NAV3: variants seen among roughly 807,000 people sequenced by gnomAD.
NAV3 encodes neuron navigator 3.
Under a neutral mutation model 244.7 loss-of-function variants are expected in NAV3, and 87 were observed. The ratio of observed to expected loss-of-function variants is 0.36; its 90% CI spans 0.30 to 0.42. NAV3 has a LOEUF of 0.42. Among genes scored for constraint, NAV3 ranks in the 20% least tolerant of loss-of-function variants. The probability of loss-of-function intolerance (pLI) is 1.00; values close to 1 mark genes in which losing one functional copy is unlikely to be tolerated. For synonymous variants in NAV3, 1,126 were observed against 1,042.2 expected, an observed-to-expected ratio of 1.08 and a Z score of -1.55; for missense variants, 2,663 against 2,893.3, an observed-to-expected ratio of 0.92 and a Z score of 1.83.
intron 2 of NAV3, among the ~76,000 whole-genome samples, chr12:77,739,477 TTAATC>T (rs1463241905): frequency 6.6e-6 from 1 of 152,170 alleles, no homozygotes; most frequent in Non-Finnish European, 1.5e-5. Flanking sequence ...TCTCTAGCAT[TTAATC>T]TGATGCCACA....
chr12:77,991,025 A>T (rs778082453), intron 5 of NAV3, among the ~76,000 whole-genome samples: 1 of 152,004 alleles, frequency 6.6e-6, no homozygotes, highest in African/African-American at 2.4e-5. Context: ...TTTATTGTTT[A>T]TTTATTTTTT....
chr12:77,669,097 A>T (rs968092623), intron 2 of NAV3, among the ~76,000 whole-genome samples: 2 of 152,314 alleles, frequency 1.3e-5, no homozygotes, highest in East Asian at 3.9e-4. Context: ...ATGAAGGAAA[A>T]TTACAGTCTT....
intron 22 of NAV3, among the ~76,000 whole-genome samples, chr12:78,153,438 C>T (rs145164879): frequency 3.3e-4 from 50 of 152,146 alleles, no homozygotes; most frequent in African/African-American, 1.1e-3. Flanking sequence ...TATTGCCTGG[C>T]GTTTCTGATC....
intron 2 of NAV3, among the ~76,000 whole-genome samples, chr12:77,786,122 G>A (rs774944879): frequency 6.6e-5 from 10 of 151,918 alleles, no homozygotes; most frequent in Non-Finnish European, 1.2e-4. Flanking sequence ...GCCAAATAGC[G>A]CCTCTTAAAA....
intron 2 of NAV3, among the ~76,000 whole-genome samples, chr12:77,680,729 A>C (rs1300575724): frequency 7.1e-6 from 1 of 141,208 alleles, no homozygotes; most frequent in Non-Finnish European, 1.6e-5. Flanking sequence ...AAGTAGGTGC[A>C]CAATATAAGA....
chr12:78,139,034 C>T (rs1956493620), intron 19 of NAV3, among the ~76,000 whole-genome samples: 1 of 152,082 alleles, frequency 6.6e-6, no homozygotes, highest in South Asian at 2.1e-4. Context: ...AATTGTCCAC[C>T]TTTCCTATGG....
intron 2 of NAV3, among the ~76,000 whole-genome samples, chr12:77,729,656 A>C (rs74593898): frequency 0.018 from 2,716 of 152,062 alleles, 94 homozygotes; most frequent in African/African-American, 0.062. Flanking sequence ...AACAAAAATC[A>C]CTGAAACAAG....
chr12:78,110,888 T>C (rs1230744889), intron 12 of NAV3, among the ~76,000 whole-genome samples: 1 of 151,946 alleles, frequency 6.6e-6, no homozygotes, highest in Non-Finnish European at 1.5e-5. Context: ...GAAACTGGAG[T>C]TCATTATCTT....
chr12:78,148,478 G>A (rs1194288946), intron 21 of NAV3, among the ~76,000 whole-genome samples: 7 of 152,042 alleles, frequency 4.6e-5, no homozygotes, highest in Non-Finnish European at 1.0e-4. Flanking sequence ...AAATATGTGT[G>A]TATATACAGT....
chr12:78,095,160 A>G (rs1221376305), intron 12 of NAV3, among the ~76,000 whole-genome samples: 5 of 151,552 alleles, frequency 3.3e-5, no homozygotes, highest in African/African-American at 1.2e-4. Context: ...ACTTGATAGC[A>G]TATTTGTTAT....
chr12:77,627,494 A>G (rs1439250332), intron 2 of NAV3, among the ~76,000 whole-genome samples: 1 of 152,152 alleles, frequency 6.6e-6, no homozygotes, highest in East Asian at 1.9e-4. Flanking sequence ...TACCCTAACA[A>G]GTTGGAAAAA....
chr12:78,168,987 T>C, intron 24 of NAV3, 121 bp downstream of exon 24: 1 of 588,444 alleles, frequency 1.7e-6, no homozygotes, highest in Non-Finnish European at 2.9e-6. Context: ...CTAGTTGTAT[T>C]AATAGTTGTA....
chr12:78,140,954 C>A (rs1266525080), intron 20 of NAV3, among the ~76,000 whole-genome samples: 1 of 151,690 alleles, frequency 6.6e-6, no homozygotes, highest in African/African-American at 2.4e-5. Flanking sequence ...TACAATGACA[C>A]AATCATAGCT....
intron 5 of NAV3, among the ~76,000 whole-genome samples, chr12:77,977,905 T>C (rs1410929741): frequency 2.6e-5 from 4 of 152,124 alleles, no homozygotes; most frequent in Non-Finnish European, 5.9e-5. Flanking sequence ...GGGAGATCAG[T>C]CCAAGTAAAC....
intron 1 of NAV3, among the ~76,000 whole-genome samples, chr12:77,925,611 T>A (rs1280702035): frequency 6.6e-6 from 1 of 152,136 alleles, no homozygotes; most frequent in Non-Finnish European, 1.5e-5. Context: ...GTCATGTGGT[T>A]GGCTCATTAT....
intron 1 of NAV3, among the ~76,000 whole-genome samples, chr12:77,915,058 C>T (rs946298422): frequency 1.6e-4 from 25 of 152,082 alleles, no homozygotes; most frequent in African/African-American, 5.5e-4. Flanking sequence ...CTTGAAAACA[C>T]GTTAACAAAA....
chr12:77,748,450 T>C (rs1868670570), intron 2 of NAV3, among the ~76,000 whole-genome samples: 1 of 152,192 alleles, frequency 6.6e-6, no homozygotes, highest in Non-Finnish European at 1.5e-5. Flanking sequence ...ATTATACTTT[T>C]AAATTAAGAT....
intron 39 of NAV3, 102 bp from the exon 40 acceptor site, chr12:78,210,296 T>A: frequency 6.6e-7 from 1 of 1,505,428 alleles, no homozygotes; most frequent in Non-Finnish European, 8.9e-7. Flanking sequence ...GTTACTTGGA[T>A]GGGATAAGAT....
Position 77,896,817 on chromosome 12 carries a change from C to G in NAV3, c.244-43502C>G, listed in dbSNP as rs1241131055. Among the ~76,000 whole-genome samples, 7 of 152,076 alleles carry G rather than the reference C, an allele frequency of 4.6e-5. No homozygotes were observed. The East Asian group carries it at 1.3e-3, about 29-fold the overall frequency. On this transcript the variant is annotated intron_variant, in intron 1 of 39. Coordinates refer to ENST00000397909, the MANE Select transcript of NAV3 (RefSeq NM_001024383.2). ...AAGTATTTTAGGAGAGCCAGGAAAC[C>G]CAATTTTGATGTGAAACCCTTGCTT...
Sources: gnomAD v4.1 joint callset for allele counts (sites outside exome capture counted in the v4.1 genomes callset) on GRCh38, gnomAD v4.1.1 for gene constraint, MANE v1.5 for transcripts, NCBI Gene and HGNC (gene_info 2026-07-23, HGNC 2026-07-21) for gene names.